Variants in PCNP observed in about 807,000 individuals in gnomAD.
PCNP encodes the protein PEST proteolytic signal containing nuclear protein, also known as PEST proteolytic signal-containing nuclear protein.
PCNP carries 6 observed loss-of-function variants against 21.8 expected under a neutral mutation model. That is an observed-to-expected ratio of 0.28 (90% confidence interval 0.15 to 0.54). PCNP has a LOEUF of 0.54. Among genes scored for constraint, PCNP ranks in the 20% least tolerant of loss-of-function variants. The pLI, the probability that PCNP is intolerant of heterozygous loss-of-function variation, is 0.95. For missense variants in PCNP, 161 were observed against 215.5 expected, an observed-to-expected ratio of 0.75 and a Z score of 1.58; for synonymous variants, 67 against 73.2, an observed-to-expected ratio of 0.92 and a Z score of 0.43.
rs1935207463 is a variant in PCNP at position 101,581,291 on chromosome 3, G to C, written c.279+1287G>C. 2.0e-5 allele frequency among the ~76,000 whole-genome samples: 3 copies of C among 151,974 alleles called. No individual in the cohort carries two copies. The South Asian group carries it at 6.2e-4, about 31-fold the overall frequency. ...ACTGCATAAATATTTAATGTTTTTT[G>C]ATAGGCAGTATGTTAAATATATATT... On this transcript the variant is annotated intron_variant, in intron 2 of 4. Transcript: ENST00000265260.
rs1489346739 is a variant in PCNP, at chr3:101,585,527, GT to G, written c.354+20del. The G allele has an allele frequency of 5.7e-6, 9 of 1,573,432 alleles. No homozygotes were observed. Among genetic ancestry groups the G allele is most frequent in the Non-Finnish European group, 7.8e-6 (9 of 1,149,510 alleles). Reference sequence around the variant, plus strand: ...AGATGAAGATGTAAGTTGATATCGAGTTTTGTTTTTTTACTTTAACCAGTTA... The same window carrying G: ...AGATGAAGATGTAAGTTGATATCGAGTTTGTTTTTTTACTTTAACCAGTTA... On this transcript the variant is annotated intron_variant, in intron 3 of 4. Coordinates refer to ENST00000265260, the MANE Select transcript of PCNP (RefSeq NM_020357.3).
At chr3:101,584,563 A>AT (rs1050726693) in intron 2 of PCNP, among the ~76,000 whole-genome samples, 6 of 151,776 alleles carry the variant, frequency 4.0e-5, no homozygotes, top group African/African-American at 1.2e-4. Flanking sequence ...TTTATTTTTT[A>AT]TTTTTTTTAT....
intron 4 of PCNP, among the ~76,000 whole-genome samples, chr3:101,591,583 CAT>C (rs1935808893): frequency 6.6e-6 from 1 of 152,130 alleles, no homozygotes; most frequent in Non-Finnish European, 1.5e-5. Flanking sequence ...TATAGTTAAA[CAT>C]AAATAATTGA....
intron 3 of PCNP, among the ~76,000 whole-genome samples, chr3:101,589,411 T>TC (rs1470208115): frequency 3.9e-3 from 10 of 2,546 alleles, no homozygotes; most frequent in East Asian, 0.2. Flanking sequence ...ATGAGCTCTC[T>TC]TTTTTTTTTT....
intron 1 of PCNP, among the ~76,000 whole-genome samples, chr3:101,577,888 C>G (rs1032538067): frequency 6.6e-6 from 1 of 152,006 alleles, no homozygotes; most frequent in African/African-American, 2.4e-5. Flanking sequence ...TCCAACTACT[C>G]AATGAAAAAA....
intron 2 of PCNP, among the ~76,000 whole-genome samples, chr3:101,583,355 G>A (rs1444483532): frequency 6.6e-6 from 1 of 152,166 alleles, no homozygotes; most frequent in Non-Finnish European, 1.5e-5. Context: ...TTGGGAGGCT[G>A]AGGCAGGAGA....
chr3:101,584,001 G>C (rs764733290), intron 2 of PCNP, among the ~76,000 whole-genome samples: 1 of 151,980 alleles, frequency 6.6e-6, no homozygotes, highest in Non-Finnish European at 1.5e-5. Flanking sequence ...GGCAGGTAAT[G>C]CTAAGGACCT....
chr3:101,583,817 A>ATTTTTT (rs564200727), intron 2 of PCNP, among the ~76,000 whole-genome samples: 1 of 104,054 alleles, frequency 9.6e-6, no homozygotes, highest in Admixed American at 1.1e-4. Flanking sequence ...TATCCAGCTA[A>ATTTTTT]TTTTTTTTTT....
Position 101,587,907 on chromosome 3 carries a change from G to A in PCNP, c.355-2308G>A, listed in dbSNP as rs138551844. Among the ~76,000 whole-genome samples, 17 of 152,228 alleles carry A rather than the reference G, an allele frequency of 1.1e-4. No homozygotes were observed. In the East Asian group the frequency reaches 2.7e-3, roughly 24 times the overall value. On this transcript the variant is annotated intron_variant, in intron 3 of 4. Transcript: ENST00000265260. ...CAATGGCTTACTTTGAATGCCTAAC[G>A]ATTTGGATATCTTTTCACATTATTT...
chr3:101,588,909 G>A (rs1353054407), intron 3 of PCNP, among the ~76,000 whole-genome samples: 1 of 152,218 alleles, frequency 6.6e-6, no homozygotes. Context: ...TTAAAGTGGT[G>A]CCTGCCAGAT....
At chr3:101,578,263 A>G (rs975763349) in intron 1 of PCNP, among the ~76,000 whole-genome samples, 5 of 152,238 alleles carry the variant, frequency 3.3e-5, no homozygotes, top group African/African-American at 1.2e-4. Context: ...ATACTTGATT[A>G]GAGCTACAAA....
chr3:101,576,698 A>G, intron 1 of PCNP: 1 of 1,612,306 alleles, frequency 6.2e-7, no homozygotes, highest in East Asian at 2.2e-5. Flanking sequence ...TGTCTGTTCA[A>G]GAACCAGTCT....
intron 4 of PCNP, among the ~76,000 whole-genome samples, chr3:101,592,102 A>G (rs922935086): frequency 6.6e-6 from 1 of 151,904 alleles, no homozygotes; most frequent in Non-Finnish European, 1.5e-5. Flanking sequence ...GGCCTGCTGG[A>G]TCTGAAATTC....
chr3:101,583,483 G>C (rs1935338482), intron 2 of PCNP, among the ~76,000 whole-genome samples: 1 of 152,090 alleles, frequency 6.6e-6, no homozygotes, highest in South Asian at 2.1e-4. Context: ...GGGCATGGCA[G>C]GGTGTGCCTA....
intron 2 of PCNP, among the ~76,000 whole-genome samples, chr3:101,581,125 C>G (rs1576610299): frequency 6.6e-6 from 1 of 152,168 alleles, no homozygotes; most frequent in Admixed American, 6.5e-5. Flanking sequence ...TCTGTTTGCC[C>G]TTTTTCTATT....
At chr3:101,588,155 C>T (rs11708845) in intron 3 of PCNP, among the ~76,000 whole-genome samples, 33,820 of 152,002 alleles carry the variant, frequency 0.22, 4,032 homozygotes, top group East Asian at 0.29. Flanking sequence ...CCTGTAATCC[C>T]GGCTACTCGG....
intron 2 of PCNP, among the ~76,000 whole-genome samples, chr3:101,580,490 T>G (rs893443151): frequency 2.6e-5 from 4 of 151,004 alleles, no homozygotes; most frequent in Non-Finnish European, 5.9e-5. Context: ...TTTCCAAAGT[T>G]TTTTTTTTAT....
intron 1 of PCNP, chr3:101,576,353 G>A (rs1934885030): frequency 1.6e-6 from 1 of 613,756 alleles, no homozygotes; most frequent in Non-Finnish European, 2.6e-6. Flanking sequence ...TCCTGCCTCA[G>A]CCTCCCAAGT....
chr3:101,578,830 C>A (rs1935068853), intron 1 of PCNP, among the ~76,000 whole-genome samples: 3 of 152,152 alleles, frequency 2.0e-5, no homozygotes, highest in South Asian at 4.1e-4. Context: ...TAAATAAACT[C>A]TTGATCCAGT....
Sources: gnomAD v4.1 joint callset for allele counts (sites outside exome capture counted in the v4.1 genomes callset) on GRCh38, gnomAD v4.1.1 for gene constraint, MANE v1.5 for transcripts, NCBI Gene and HGNC (gene_info 2026-07-23, HGNC 2026-07-21) for gene names.